The following ZNF326 variants were observed in gnomAD, a reference collection of about 807,000 sequenced individuals.
ZNF326 encodes the protein DBIRD complex subunit ZNF326.
In ZNF326, 30 loss-of-function variants were observed where a neutral mutation model predicts 63.1. The observed-to-expected ratio is 0.48, with a 90% CI of 0.36 to 0.64. The LOEUF is 0.64. ZNF326 is among the 30% of genes least tolerant of loss of function. The pLI is 0.00. For missense variants in ZNF326, 609 were observed against 720.3 expected (o/e 0.85, Z 1.77); for synonymous variants, 194 against 228.2 (o/e 0.85, Z 1.35).
At chr1:90,000,977 G>C (rs1467828266) in intron 2 of ZNF326, among the ~76,000 whole-genome samples, 2 of 152,082 alleles carry the variant, frequency 1.3e-5, no homozygotes, top group Non-Finnish European at 2.9e-5. Context: ...GAGTGAACAG[G>C]GGTGTATGTA....
In ZNF326 at chr1:90,017,421, A is replaced by G. The variant is rs1192507754; in HGVS notation, c.1031A>G (p.Gln344Arg). ...CATCAGGAAACATTAGATCATATAC[A>G]GAAACAAACTAAATTTGATAAAGTA... Reference protein sequence around the residue: ...SSHQETLDHIQKQTKFDKVVM... With the variant: ...SSHQETLDHIRKQTKFDKVVM... Residue 344 changes from glutamine (Q) to arginine (R), a missense_variant, in exon 8 of 12, where the codon CAG becomes CGG. Coordinates refer to ENST00000340281, the MANE Select transcript of ZNF326 (RefSeq NM_182976.4). The G allele has an allele frequency of 6.9e-6, 11 of 1,597,222 alleles. No homozygotes were observed. The Admixed American group carries it at 1.6e-4, about 24-fold the overall frequency.
At chr1:90,000,920 A>G (rs999289512) in intron 2 of ZNF326, among the ~76,000 whole-genome samples, 1 of 152,182 alleles carries the variant, frequency 6.6e-6, no homozygotes, top group South Asian at 2.1e-4. Flanking sequence ...AAATGGGTAT[A>G]CACCTTGTGT....
intron 6 of ZNF326, 106 bp from the exon 7 acceptor site, chr1:90,013,020 A>G: frequency 3.5e-6 from 3 of 862,994 alleles, no homozygotes; most frequent in Non-Finnish European, 4.9e-6. Flanking sequence ...ATTTTAGATT[A>G]CAATCACTAA....
At chr1:90,009,367 T>G (rs911768997) in intron 5 of ZNF326, among the ~76,000 whole-genome samples, 9 of 152,112 alleles carry the variant, frequency 5.9e-5, no homozygotes, top group African/African-American at 2.2e-4. Flanking sequence ...GTGTAGTAGA[T>G]TTGGATAATG....
chr1:90,020,751 A>G (rs1251829879), intron 9 of ZNF326, 41 bp from the exon 10 acceptor site: 2 of 1,576,188 alleles, frequency 1.3e-6, no homozygotes, highest in East Asian at 2.3e-5. Flanking sequence ...GTCAGAAATA[A>G]CATATGAATT....
intron 7 of ZNF326, among the ~76,000 whole-genome samples, chr1:90,014,166 T>A (rs1007075753): frequency 4.5e-4 from 68 of 150,782 alleles, no homozygotes; most frequent in African/African-American, 1.5e-3. Flanking sequence ...AAAAAAAAAA[T>A]GAAATTACAG....
At chr1:89,999,030 A>T (rs780572814) in intron 2 of ZNF326, among the ~76,000 whole-genome samples, 5 of 152,236 alleles carry the variant, frequency 3.3e-5, no homozygotes, top group Non-Finnish European at 7.3e-5. Flanking sequence ...CTTAACATAT[A>T]GGGAGTTAGT....
intron 10 of ZNF326, among the ~76,000 whole-genome samples, chr1:90,021,826 AT>A (rs1649786094): frequency 6.6e-6 from 1 of 152,154 alleles, no homozygotes; most frequent in Non-Finnish European, 1.5e-5. Context: ...CATTTTGGCA[AT>A]TTTCTATACT....
intron 9 of ZNF326, 101 bp downstream of exon 9, chr1:90,018,885 T>C (rs1369783050): frequency 5.5e-6 from 3 of 545,134 alleles, no homozygotes; most frequent in South Asian, 6.8e-5. Context: ...TATAGTACAG[T>C]CATATATACA....
chr1:90,018,161 G>A (rs753145863), intron 8 of ZNF326, among the ~76,000 whole-genome samples: 3 of 151,858 alleles, frequency 2.0e-5, no homozygotes, highest in African/African-American at 4.8e-5. Flanking sequence ...GCGTGGTGGC[G>A]CGTGCCTGTA....
In ZNF326 at chr1:90,034,661, C is replaced by T. The variant is rs1650414282; in HGVS notation, c.*6960C>T. On this transcript the variant is annotated 3_prime_UTR_variant, in exon 12 of 12. Coordinates refer to ENST00000340281, the MANE Select transcript of ZNF326 (RefSeq NM_182976.4). The stretch of plus-strand genomic sequence containing the variant: ...AAATCAGACAAAAGAAAACACTGTC[C>T]TTGTAATGCTTGCATTTAAAAGGAA... 1 of 152,062 alleles carries T rather than the reference C, an allele frequency of 6.6e-6. No homozygotes were observed. The highest frequency in any genetic ancestry group is 1.5e-5 in the Non-Finnish European group (1 of 67,978). 9.4% of individuals were successfully genotyped at this position (152,062 alleles called of 1,614,324 possible).
rs541224201 is a variant in ZNF326 at position 90,033,573 on chromosome 1, C to T, written c.*5872C>T. On this transcript the variant is annotated 3_prime_UTR_variant, in exon 12 of 12. Transcript: ENST00000340281. Reference sequence around the variant, plus strand: ...TATAAAGAAGTATCTTGGAAATAAACAGTTGTGAAAATAAACTCTGTTTTA... The same window carrying T: ...TATAAAGAAGTATCTTGGAAATAAATAGTTGTGAAAATAAACTCTGTTTTA... 6.6e-6 allele frequency: 1 copy of T among 152,160 alleles called. No individual in the cohort carries two copies. The highest frequency in any genetic ancestry group is 1.9e-4 in the East Asian group (1 of 5,188). 9.4% of individuals were successfully genotyped at this position (152,160 alleles called of 1,614,324 possible). A position where few individuals can be genotyped will look rare whatever the true frequency, so the allele number is the denominator to read the frequency against.
At chr1:90,022,366 C>A in intron 11 of ZNF326, 21 bp downstream of exon 11, 2 of 1,549,164 alleles carry the variant, frequency 1.3e-6, no homozygotes, top group Non-Finnish European at 1.8e-6. Flanking sequence ...AGGGCAAAAA[C>A]CTTTTCAATA....
Position 90,007,318 on chromosome 1 carries a change from T to A in ZNF326, c.210-27T>A. On this transcript the variant is annotated intron_variant, in intron 4 of 11. Coordinates refer to ENST00000340281, the MANE Select transcript of ZNF326 (RefSeq NM_182976.4). This position sits in a 1 kb window ranked among gnomAD's most constrained non-coding sequence, Gnocchi z 4.9. ...TAACATTAGTAAGCTTACTTTTGTT[T>A]TTTCCCTCACTGTGCAACTTTTCCA... The A allele has an allele frequency of 6.4e-7, 1 of 1,557,108 alleles. No individual in the cohort carries two copies. Among genetic ancestry groups the A allele is most frequent in the Non-Finnish European group, 8.7e-7 (1 of 1,153,912 alleles).
Position 90,017,475 on chromosome 1 carries a change from GT to G in ZNF326, c.1074+16del. ...ATGGAGTTTTTGCATGTGAGTAGCT[GT>G]TTTTGAAGTGAGAAGCATTTTATTG... On this transcript the variant is annotated intron_variant, in intron 8 of 11. Transcript: ENST00000340281. 1.3e-6 allele frequency: 2 copies of G among 1,562,770 alleles called. No homozygotes were observed. The highest frequency in any genetic ancestry group is 2.1e-5 in the Admixed American group (1 of 46,622).
intron 1 of ZNF326, among the ~76,000 whole-genome samples, chr1:89,997,029 C>T (rs1648411266): frequency 1.3e-5 from 2 of 152,158 alleles, no homozygotes; most frequent in Non-Finnish European, 2.9e-5. Context: ...TGCCAGAATT[C>T]TAAACAGTGT....
chr1:90,013,159 A>G lies in ZNF326; in HGVS notation c.848A>G (p.Lys283Arg). Residue 283 changes from lysine (K) to arginine (R), a missense_variant, in exon 7 of 12, where the codon AAG becomes AGG. Physicochemically the swap from Lys to Arg is conservative, Grantham distance 26. Transcript: ENST00000340281. ...GATCCTAAAAATGAAGAGGAAGAAA[A>G]GCGGCGAATTGAGGCTCGGCGAGAG... ...KTDPKNEEEE[K>R]RRIEARREKQ... is the part of the protein sequence containing the mutation. The G allele has an allele frequency of 6.2e-7, 1 of 1,612,992 alleles. No individual in the cohort carries two copies. Among genetic ancestry groups the G allele is most frequent in the South Asian group, 1.1e-5 (1 of 90,820 alleles).
chr1:90,006,341 C>T lies in ZNF326; in HGVS notation c.210-1004C>T, dbSNP rs1340522887. On this transcript the variant is annotated intron_variant, in intron 4 of 11. Transcript: ENST00000340281. Reference sequence around the variant, plus strand: ...ATGTTTTAATATGTCAGTTATTGCCCTTTTATATTGTGAATGTAATGTGCA... The same window carrying T: ...ATGTTTTAATATGTCAGTTATTGCCTTTTTATATTGTGAATGTAATGTGCA... The T allele has an allele frequency of 8.2e-6, 8 of 979,264 alleles. No individual in the cohort carries two copies. The South Asian group carries it at 2.4e-4, about 29-fold the overall frequency. The allele number at this position is 979,264 out of a possible 1,614,324, so 60.7% of individuals were successfully genotyped here.
At chr1:90,018,471 C>G (rs1280817304) in intron 8 of ZNF326, among the ~76,000 whole-genome samples, 1 of 152,116 alleles carries the variant, frequency 6.6e-6, no homozygotes. Context: ...ATCCCTTTCT[C>G]TATATGCTTA....
Sources: allele counts gnomAD v4.1 joint callset (sites outside exome capture counted in the v4.1 genomes callset), GRCh38; gene constraint gnomAD v4.1.1; non-coding constraint Gnocchi (gnomAD v3.1); transcripts MANE v1.5; gene names NCBI Gene and HGNC (gene_info 2026-07-23, HGNC 2026-07-21).